The following PALM variants were observed in gnomAD, a reference collection of about 807,000 sequenced individuals.
PALM encodes paralemmin, also known as paralemmin-1.
Under a neutral mutation model 30.7 loss-of-function variants are expected in PALM, and 18 were observed. The observed-to-expected ratio is 0.59, with a 90% CI of 0.41 to 0.87. PALM has a LOEUF of 0.87. Ranked by LOEUF, PALM falls within the 40% of genes least tolerant of loss-of-function variation. PALM has a pLI of 0.00. For missense variants in PALM, 529 were observed against 555.4 expected, an observed-to-expected ratio of 0.95 and a Z score of 0.48; for synonymous variants, 286 against 242.8, an observed-to-expected ratio of 1.18 and a Z score of -1.66.
At chr19:740,584 C>G (rs2033159980) in intron 8 of PALM, 101 bp downstream of exon 8, 2 of 1,134,984 alleles carry the variant, frequency 1.8e-6, no homozygotes, top group South Asian at 1.5e-5. Flanking sequence ...GAATCAGGAC[C>G]CCGATTCGAT....
At chr19:731,029 A>G in intron 4 of PALM, 66 bp from the exon 5 acceptor site, 1 of 1,065,668 alleles carries the variant, frequency 9.4e-7, no homozygotes, top group Non-Finnish European at 1.3e-6. Flanking sequence ...GAGCTGTCGT[A>G]CAGAAGGTGC....
intron 8 of PALM, among the ~76,000 whole-genome samples, chr19:740,988 A>AT (rs908596776): frequency 1.3e-5 from 2 of 150,478 alleles, no homozygotes; most frequent in African/African-American, 4.9e-5. Context: ...AAAAAAAAAA[A>AT]ATTACCCTGG....
chr19:731,268 C>T (rs372615587), intron 5 of PALM, 23 bp downstream of exon 5: 26 of 1,577,846 alleles, frequency 1.6e-5, no homozygotes, highest in Admixed American at 1.8e-5. Flanking sequence ...CTGGGGGGAG[C>T]GGATCCCCAG....
Position 727,614 on chromosome 19 carries a change from C to A in PALM, c.189C>A (p.Ala63=). The change falls in exon 4 of 9, where the codon GCC becomes GCA. Residue 63 remains alanine (A), a synonymous_variant. Transcript: ENST00000338448. The part of the protein sequence containing the change: ...RWLLEGTPSS[A]SEGDEDLRRQ... ...TGCTGGAGGGGACGCCGTCCTCGGC[C>A]TCAGAGGGGGATGAGGACCTGAGGA... 1 of 1,580,096 alleles carries A rather than the reference C, an allele frequency of 6.3e-7. No homozygotes were observed. Among genetic ancestry groups the A allele is most frequent in the Non-Finnish European group, 8.6e-7 (1 of 1,163,622 alleles).
chr19:724,025 TGGGGTG>T (rs3831625), intron 1 of PALM, among the ~76,000 whole-genome samples: 5,944 of 150,954 alleles, frequency 0.039, 294 homozygotes, highest in East Asian at 0.26. Context: ...GAGAAAGCAG[TGGGGTG>T]GGGGTGCCCT....
In PALM at chr19:709,321, G is replaced by A. The variant is rs1006550485; in HGVS notation, c.5+170G>A. Among the ~76,000 whole-genome samples, 7 of 151,306 alleles carry A rather than the reference G, an allele frequency of 4.6e-5. No individual in the cohort carries two copies. Among genetic ancestry groups the A allele is most frequent in the African/African-American group, 1.7e-4 (7 of 41,326 alleles). ...GCGCAGCCGGGAAGAGACTCGGGCT[G>A]GGCCGCGCCTGCCGGGAGGCCTCCC... On this transcript the variant is annotated intron_variant, in intron 1 of 8. Coordinates refer to ENST00000338448, the MANE Select transcript of PALM (RefSeq NM_002579.3). This position sits in a 1 kb window ranked among gnomAD's most constrained non-coding sequence, Gnocchi z 4.3.
chr19:709,692 G>T lies in PALM; in HGVS notation c.5+541G>T, dbSNP rs943516429. 6.6e-6 allele frequency among the ~76,000 whole-genome samples: 1 copy of T among 152,174 alleles called. No individual in the cohort carries two copies. The highest frequency in any genetic ancestry group is 2.1e-4 in the South Asian group (1 of 4,826). ...TCCTGAGCCCCCCGCCACTGCGCAG[G>T]TCCCGAGTTACCGCTGGAGGGAGAG... On this transcript the variant is annotated intron_variant, in intron 1 of 8. Transcript: ENST00000338448. The surrounding 1 kb of genome is among the most constrained non-coding windows in gnomAD (Gnocchi z 4.3).
intron 8 of PALM, among the ~76,000 whole-genome samples, chr19:741,465 A>G (rs1219920472): frequency 8.4e-6 from 1 of 118,856 alleles, no homozygotes; most frequent in African/African-American, 3.3e-5. Flanking sequence ...TGCAGGGGTG[A>G]GGGGAGACGG....
intron 3 of PALM, among the ~76,000 whole-genome samples, 155 bp downstream of exon 3, chr19:727,243 C>CGACCCTGACCCT (rs1487841719): frequency 1.1e-5 from 1 of 93,524 alleles, no homozygotes; most frequent in African/African-American, 3.9e-5. Flanking sequence ...ACCCCGACCC[C>CGACCCTGACCCT]GACCCCGACC....
intron 1 of PALM, among the ~76,000 whole-genome samples, chr19:710,413 C>A (rs1000913947): frequency 6.6e-6 from 1 of 152,208 alleles, no homozygotes; most frequent in South Asian, 2.1e-4. Flanking sequence ...TGCTCCACAC[C>A]CCCACCCCCC....
chr19:744,809 G>A lies in PALM; in HGVS notation c.635-1476G>A, dbSNP rs554765730. On this transcript the variant is annotated intron_variant, in intron 8 of 8. Coordinates refer to ENST00000338448, the MANE Select transcript of PALM (RefSeq NM_002579.3). ...CTCTGGAGGCTGAGGCAGGAGAATT[G>A]CTTGAACCTAGGAAGTGGAGGTTGC... 1.9e-4 allele frequency among the ~76,000 whole-genome samples: 29 copies of A among 150,842 alleles called. No homozygotes were observed. The South Asian group carries it at 6.1e-3, about 32-fold the overall frequency.
At chr19:722,796 C>T (rs1315071998) in intron 1 of PALM, 1 of 152,272 alleles carries the variant, frequency 6.6e-6, no homozygotes, top group African/African-American at 2.4e-5. Context: ...TCAAGCCTTT[C>T]CTGAACCCCA....
At chr19:726,984 G>GTGCCC in intron 2 of PALM, 24 bp from the exon 3 acceptor site, 8 of 1,183,050 alleles carry the variant, frequency 6.8e-6, no homozygotes, top group Admixed American at 2.0e-5. Flanking sequence ...GCCCATCCCT[G>GTGCCC]ACCCCACCCG....
chr19:744,765 G>C (rs536812891), intron 8 of PALM, among the ~76,000 whole-genome samples: 1 of 151,700 alleles, frequency 6.6e-6, no homozygotes, highest in South Asian at 2.1e-4. Flanking sequence ...ATGGTGGCGG[G>C]TGCCTGTAAT....
intron 1 of PALM, among the ~76,000 whole-genome samples, chr19:713,172 T>TA (rs1339538910): frequency 7.4e-6 from 1 of 134,746 alleles, no homozygotes; most frequent in Non-Finnish European, 1.6e-5. Context: ...TGTGGTCTTG[T>TA]GGGGCGTGGT....
intron 1 of PALM, among the ~76,000 whole-genome samples, chr19:718,181 C>CA (rs200668058): frequency 0.013 from 1,984 of 150,548 alleles, 33 homozygotes; most frequent in African/African-American, 0.045. Context: ...GACTCCATCT[C>CA]AAAAAAAAAG....
chr19:734,271 A>G (rs1487244704), intron 6 of PALM, 77 bp downstream of exon 6: 1 of 1,447,748 alleles, frequency 6.9e-7, no homozygotes, highest in Non-Finnish European at 9.6e-7. Flanking sequence ...GCGGGGAGTG[A>G]AGCTACAAAG....
At position 734,055 on chromosome 19, in the gene PALM, C is replaced by T. The variant is rs149403349; in HGVS notation, c.421-118C>T. 7.4e-3 allele frequency: 5,990 copies of T among 810,022 alleles called. 61 individuals carry two copies. The highest frequency in any genetic ancestry group is 0.021 in the South Asian group (1,402 of 68,346). 50.2% of individuals were successfully genotyped at this position (810,022 alleles called of 1,614,324 possible). A position where few individuals can be genotyped will look rare whatever the true frequency, so the allele number is the denominator to read the frequency against. Reference sequence around the variant, plus strand: ...AGTCCCAAGAGGATAGGATGAGAAGCGGGTGCGTATGACGTCACCCACTGT... The same window carrying T: ...AGTCCCAAGAGGATAGGATGAGAAGTGGGTGCGTATGACGTCACCCACTGT... On this transcript the variant is annotated intron_variant, in intron 5 of 8. Transcript: ENST00000338448.
At chr19:730,661 C>G (rs2032840440) in intron 4 of PALM, among the ~76,000 whole-genome samples, 1 of 152,150 alleles carries the variant, frequency 6.6e-6, no homozygotes, top group South Asian at 2.1e-4. Context: ...TTTCCCCCAT[C>G]ATGAAAGAGC....
Sources: allele counts gnomAD v4.1 joint callset (sites outside exome capture counted in the v4.1 genomes callset), GRCh38; gene constraint gnomAD v4.1.1; non-coding constraint Gnocchi (gnomAD v3.1); transcripts MANE v1.5; gene names NCBI Gene and HGNC (gene_info 2026-07-23, HGNC 2026-07-21).